Variants in HDAC8 observed in about 807,000 individuals in gnomAD.
HDAC8 encodes the protein histone deacetylase 8.
Under a neutral mutation model 32.2 loss-of-function variants are expected in HDAC8, and 1 was observed. The ratio of observed to expected loss-of-function variants is 0.03; its 90% CI spans 0.01 to 0.15. The LOEUF is 0.15. Ranked by LOEUF, HDAC8 falls within the 10% of genes least tolerant of loss-of-function variation. The pLI is 1.00. For missense variants in HDAC8, 117 were observed against 300.0 expected (o/e 0.39, Z 4.51); for synonymous variants, 108 against 113.9 (o/e 0.95, Z 0.33).
At chrX:72,438,147 A>G (rs2047007622) in intron 9 of HDAC8, among the ~76,000 whole-genome samples, 1 of 112,169 alleles carries the variant, frequency 8.9e-6, no homozygotes, top group Admixed American at 9.4e-5. Flanking sequence ...AGAGGAAGGA[A>G]CAAGCAACAA....
chrX:72,470,421 A>G (rs1241127527), intron 7 of HDAC8, among the ~76,000 whole-genome samples: 1 of 110,693 alleles, frequency 9.0e-6, no homozygotes, highest in African/African-American at 3.3e-5. Context: ...TATTTCTTCT[A>G]CCTTTCCAGC....
At chrX:72,356,810 C>T (rs2044382223) in intron 9 of HDAC8, among the ~76,000 whole-genome samples, 1 of 111,886 alleles carries the variant, frequency 8.9e-6, no homozygotes, top group African/African-American at 3.2e-5. Flanking sequence ...GATTGAATGC[C>T]TGACCTCAGG....
intron 10 of HDAC8, among the ~76,000 whole-genome samples, chrX:72,338,369 G>A (rs1441483680): frequency 1.8e-5 from 2 of 110,394 alleles, no homozygotes; most frequent in African/African-American, 3.3e-5. Flanking sequence ...TTGCTCTTAA[G>A]GACCTTATAA....
intron 9 of HDAC8, among the ~76,000 whole-genome samples, chrX:72,411,436 G>C (rs1177305827): frequency 2.7e-5 from 3 of 111,879 alleles, no homozygotes; most frequent in Non-Finnish European, 5.6e-5. Flanking sequence ...CCCTCAGAGG[G>C]GGAAGTTCTG....
chrX:72,401,323 C>T (rs921369687), intron 9 of HDAC8, among the ~76,000 whole-genome samples: 1 of 112,011 alleles, frequency 8.9e-6, no homozygotes, highest in Non-Finnish European at 1.9e-5. Flanking sequence ...CAACCTCAAC[C>T]TCCTGGGTTC....
chrX:72,439,788 T>C (rs1289812718), intron 9 of HDAC8, among the ~76,000 whole-genome samples: 3 of 111,542 alleles, frequency 2.7e-5, no homozygotes, highest in Admixed American at 1.9e-4. Context: ...CCTAAATATA[T>C]GTGCACCCAA....
At chrX:72,509,389 G>A (rs898394409) in intron 4 of HDAC8, among the ~76,000 whole-genome samples, 2 of 111,615 alleles carry the variant, frequency 1.8e-5, no homozygotes, top group Admixed American at 9.5e-5. Context: ...GATTACAGGC[G>A]TTAGTCACCC....
chrX:72,370,724 G>C (rs1460785107), intron 9 of HDAC8, among the ~76,000 whole-genome samples: 1 of 112,233 alleles, frequency 8.9e-6, no homozygotes, highest in East Asian at 2.8e-4. Flanking sequence ...GAGGAGCAAG[G>C]AGAGCCAGTC....
intron 6 of HDAC8, among the ~76,000 whole-genome samples, chrX:72,490,480 A>G (rs1200125977): frequency 3.7e-5 from 4 of 107,429 alleles, no homozygotes; most frequent in Admixed American, 3.0e-4. Context: ...GGAAATCATC[A>G]TTCTCAGTAA....
At chrX:72,447,720 G>A (rs1466237324) in intron 9 of HDAC8, among the ~76,000 whole-genome samples, 2 of 112,226 alleles carry the variant, frequency 1.8e-5, no homozygotes, top group Non-Finnish European at 1.9e-5. Context: ...TCCTTCAGCT[G>A]ATAAGCAACT....
intron 9 of HDAC8, among the ~76,000 whole-genome samples, chrX:72,412,556 C>T (rs1338357725): frequency 9.0e-6 from 1 of 111,399 alleles, no homozygotes; most frequent in Non-Finnish European, 1.9e-5. Flanking sequence ...CCTACAGGCA[C>T]TTTGGGTAGG....
intron 7 of HDAC8, chrX:72,474,456 ACT>A (rs1405837703): frequency 9.7e-7 from 1 of 1,027,202 alleles, no homozygotes; most frequent in Admixed American, 5.0e-5. Flanking sequence ...CTGTAACAGT[ACT>A]GTTTGCTACA....
At chrX:72,431,536 T>C (rs2046817989) in intron 9 of HDAC8, among the ~76,000 whole-genome samples, 1 of 111,232 alleles carries the variant, frequency 9.0e-6, no homozygotes, top group South Asian at 3.8e-4. Flanking sequence ...TTTTTTTCAC[T>C]TGATTGTGAT....
At position 72,346,124 on chromosome X, in the gene HDAC8, A is replaced by T. The variant is rs55748141; in HGVS notation, c.1111+5609T>A. Among the ~76,000 whole-genome samples, 670 of 112,164 alleles carry T rather than the reference A, an allele frequency of 6.0e-3. 6 individuals carry two copies. Among genetic ancestry groups the T allele is most frequent in the African/African-American group, 0.02 (617 of 30,920 alleles). On this transcript the variant is annotated intron_variant, in intron 10 of 10. Transcript: ENST00000373573. ...AAAGAGAGGAACTTGCTTGATGAAG[A>T]AGCCCAAGCTGGCAGTAGGCTCCTG...
chrX:72,528,271 A>G lies in HDAC8; in HGVS notation c.438-33003T>C, dbSNP rs112860158. On this transcript the variant is annotated intron_variant, in intron 4 of 10. Transcript: ENST00000373573. The stretch of plus-strand genomic sequence containing the variant: ...TAGCACAGTGCCAGCCCTACAAGAG[A>G]TGCTCAGAAAGCATTTGTTGAATGA... Among the ~76,000 whole-genome samples the G allele has an allele frequency of 7.8e-3, 870 of 111,755 alleles. 8 individuals are homozygous for G. Among genetic ancestry groups the G allele is most frequent in the African/African-American group, 0.026 (795 of 30,708 alleles).
chrX:72,406,940 A>G (rs782039424), intron 9 of HDAC8, among the ~76,000 whole-genome samples: 18 of 112,218 alleles, frequency 1.6e-4, no homozygotes, highest in Non-Finnish European at 3.2e-4. Context: ...ATCTGAAACT[A>G]CATATGCCCC....
At chrX:72,358,645 A>G (rs111639388) in intron 9 of HDAC8, among the ~76,000 whole-genome samples, 17,332 of 111,419 alleles carry the variant, frequency 0.16, 2,173 homozygotes, top group African/African-American at 0.43. Context: ...ATATTTTTGG[A>G]CCACAGTTGA....
At chrX:72,395,099 A>AG (rs1343114009) in intron 9 of HDAC8, among the ~76,000 whole-genome samples, 4 of 112,302 alleles carry the variant, frequency 3.6e-5, no homozygotes, top group African/African-American at 1.3e-4. Flanking sequence ...CTATAGTTCA[A>AG]GGGGGGAAAA....
intron 4 of HDAC8, among the ~76,000 whole-genome samples, chrX:72,499,292 C>T (rs964865810): frequency 1.8e-5 from 2 of 111,412 alleles, no homozygotes; most frequent in South Asian, 3.7e-4. Flanking sequence ...TCTGATAGAC[C>T]TCTACAGAAC....
Sources: allele counts gnomAD v4.1 joint callset (sites outside exome capture counted in the v4.1 genomes callset), GRCh38; gene constraint gnomAD v4.1.1; transcripts MANE v1.5; gene names NCBI Gene and HGNC (gene_info 2026-07-23, HGNC 2026-07-21).